Variants in CTR9 observed in about 807,000 individuals in gnomAD.
CTR9 encodes CTR9 component of Paf1/RNA polymerase II complex, also known as RNA polymerase-associated protein CTR9 homolog.
In CTR9, 41 loss-of-function variants were observed where a neutral mutation model predicts 152.1. That is an observed-to-expected ratio of 0.27 (90% CI 0.21 to 0.35). CTR9 has a LOEUF of 0.35. Among genes scored for constraint, CTR9 ranks in the 10% least tolerant of loss-of-function variants. The pLI, the probability that CTR9 is intolerant of heterozygous loss-of-function variation, is 1.00. For synonymous variants in CTR9, 476 were observed against 496.2 expected (o/e 0.96, Z 0.54); for missense variants, 917 against 1,424.4 (o/e 0.64, Z 5.73).
At chr11:10,758,334 G>T (rs981105806) in intron 5 of CTR9, among the ~76,000 whole-genome samples, 1 of 152,154 alleles carries the variant, frequency 6.6e-6, no homozygotes, top group African/African-American at 2.4e-5. Flanking sequence ...CAGGGAGAAG[G>T]CATCTGCAGA....
Position 10,773,200 on chromosome 11 carries a change from C to G in CTR9, c.2654C>G (p.Thr885Ser). 1 of 1,612,646 alleles carries G rather than the reference C, an allele frequency of 6.2e-7. No individual in the cohort carries two copies. The highest frequency in any genetic ancestry group is 8.5e-7 in the Non-Finnish European group (1 of 1,179,686). Reference sequence around the variant, plus strand: ...CAGCGGGCCCAGTATGTGGAGAAGACCAAAAATATTCTTATGTTTACTGGT... The same window carrying G: ...CAGCGGGCCCAGTATGTGGAGAAGAGCAAAAATATTCTTATGTTTACTGGT... The part of the protein sequence containing the change: ...LEQRAQYVEK[T>S]KNILMFTGET... The change falls in exon 21 of 25, where the codon ACC (threonine) becomes AGC (serine). Residue 885 changes from threonine (T) to serine (S), a missense_variant. Physicochemically the swap from Thr to Ser is moderately conservative, Grantham distance 58. Transcript: ENST00000361367.
At chr11:10,765,197 G>C (rs1863040986) in intron 12 of CTR9, among the ~76,000 whole-genome samples, 1 of 152,056 alleles carries the variant, frequency 6.6e-6, no homozygotes, top group Non-Finnish European at 1.5e-5. Flanking sequence ...AAATAATTTA[G>C]GCCTGGCATG....
intron 1 of CTR9, 43 bp downstream of exon 1, chr11:10,751,500 A>G (rs1417643570): frequency 6.3e-7 from 1 of 1,590,898 alleles, no homozygotes; most frequent in Non-Finnish European, 8.6e-7. Flanking sequence ...ATGAACTTGT[A>G]CGATCGCCCC....
rs147016884 is a variant in CTR9, at chr11:10,778,985, G to C, written c.3402G>C (p.Ser1134=). Residue 1134 remains serine (S), a synonymous_variant, in exon 25 of 25, where the codon TCG becomes TCC. Transcript: ENST00000361367. ...ASPSAESDHE[S]ERGSDNEGSG... The stretch of plus-strand genomic sequence containing the variant: ...CAAGTGCCGAATCAGATCACGAATC[G>C]GAGAGAGGATCTGATAATGAGGGTT... 1.2e-6 allele frequency: 2 copies of C among 1,613,998 alleles called. No homozygotes were observed. Among genetic ancestry groups the C allele is most frequent in the East Asian group, 4.5e-5 (2 of 44,894 alleles).
In CTR9 at chr11:10,768,013, A is replaced by G. The variant is rs775125955; in HGVS notation, c.1872+22A>G. 6.2e-6 allele frequency: 10 copies of G among 1,613,378 alleles called. No individual in the cohort carries two copies. The South Asian group carries it at 1.1e-4, about 18-fold the overall frequency. On this transcript the variant is annotated intron_variant, in intron 14 of 24. Coordinates refer to ENST00000361367, the MANE Select transcript of CTR9 (RefSeq NM_014633.5). ...AAAGGTAATCTCTTTTTGTCCTTTTAAACAAAACTGATACTCTACATTCTC... is the reference window on the plus strand; with the variant it reads ...AAAGGTAATCTCTTTTTGTCCTTTTGAACAAAACTGATACTCTACATTCTC...
chr11:10,756,084 G>C (rs541173913), intron 4 of CTR9, among the ~76,000 whole-genome samples: 2 of 152,296 alleles, frequency 1.3e-5, no homozygotes, highest in African/African-American at 4.8e-5. Context: ...GAGGCAGGAG[G>C]ATCACTTGAG....
In CTR9 at chr11:10,770,530, T is replaced by C; in HGVS notation, c.2270T>C (p.Val757Ala). The C allele has an allele frequency of 6.2e-7, 1 of 1,614,060 alleles. No homozygotes were observed. The highest frequency in any genetic ancestry group is 8.5e-7 in the Non-Finnish European group (1 of 1,179,972). ...APSDTVLMFN[V>A]ALVLQRLATS... ...AGTGATACAGTTCTTATGTTTAATG[T>C]GGCCTTGGTCCTGCAAAGATTAGCT... Residue 757 changes from valine to alanine, a missense_variant, in exon 18 of 25, where the codon GTG (valine) becomes GCG (alanine). This residue lies in a region of CTR9 where 106 missense variants were observed against 157.8 expected (regional missense o/e 0.67). Coordinates refer to ENST00000361367, the MANE Select transcript of CTR9 (RefSeq NM_014633.5).
In CTR9 at chr11:10,772,614, C is replaced by G; in HGVS notation, c.2539C>G (p.Gln847Glu). 1.9e-6 allele frequency: 3 copies of G among 1,609,564 alleles called. No individual in the cohort carries two copies. The highest frequency in any genetic ancestry group is 2.5e-6 in the Non-Finnish European group (3 of 1,178,186). Residue 847 changes from glutamine to glutamate, a missense_variant, in exon 20 of 25, where the codon CAA (glutamine) becomes GAA (glutamate). This residue lies in a region of CTR9 where 384 missense variants were observed against 398.4 expected (regional missense o/e 0.96). Coordinates refer to ENST00000361367, the MANE Select transcript of CTR9 (RefSeq NM_014633.5). ...EERELRAKQE[Q>E]EKELLRQKLL... ...GCGGGAGCTGCGGGCCAAGCAAGAG[C>G]AAGAAAAGGAGCTGTTAAGGCAGAA...
chr11:10,760,211 C>A lies in CTR9; in HGVS notation c.631C>A (p.Leu211Ile), dbSNP rs749033668. The A allele has an allele frequency of 1.2e-6, 2 of 1,614,056 alleles. No homozygotes were observed. Among genetic ancestry groups the A allele is most frequent in the Admixed American group, 3.3e-5 (2 of 59,992 alleles). Residue 211 changes from leucine to isoleucine, a missense_variant, in exon 6 of 25, where the codon CTT (leucine) becomes ATT (isoleucine). Leu to Ile is a conservative substitution (Grantham distance 5, BLOSUM62 2). This residue lies in a region of CTR9 where 110 missense variants were observed against 149.5 expected (regional missense o/e 0.74). Transcript: ENST00000361367. ...RLGMGHCFVK[L>I]NKLEKARLAF... is the part of the protein sequence containing the mutation. ...AGGAATGGGTCATTGCTTTGTGAAACTTAACAAACTGGAAAAAGCTCGTCT... is the reference window on the plus strand; with the variant it reads ...AGGAATGGGTCATTGCTTTGTGAAAATTAACAAACTGGAAAAAGCTCGTCT...
chr11:10,751,675 A>G (rs1029300715), intron 1 of CTR9, among the ~76,000 whole-genome samples: 11 of 152,074 alleles, frequency 7.2e-5, no homozygotes, highest in African/African-American at 1.2e-4. Flanking sequence ...TCGGAGAAGG[A>G]GTTCTTGAAA....
At position 10,751,383 on chromosome 11, in the gene CTR9, C is replaced by T. The variant is rs776532568; in HGVS notation, c.-30C>T. 4 of 1,589,020 alleles carry T rather than the reference C, an allele frequency of 2.5e-6. No individual in the cohort carries two copies. In the South Asian group the frequency reaches 3.4e-5, roughly 14 times the overall value. ...GACTACCGGCTGCGGAGCGGCGGGG[C>T]GAGACACTTGCTCGCCTTTTGACCC... is the stretch of plus-strand genomic sequence containing the variant. On this transcript the variant is annotated 5_prime_UTR_variant, in exon 1 of 25. Transcript: ENST00000361367.
chr11:10,776,992 A>C, intron 24 of CTR9, among the ~76,000 whole-genome samples: 1 of 151,592 alleles, frequency 6.6e-6, no homozygotes, highest in Non-Finnish European at 1.5e-5. Context: ...AAAAAAAAAA[A>C]AAAAGCTCAC....
chr11:10,765,516 C>T (rs1264813153), intron 12 of CTR9, among the ~76,000 whole-genome samples: 1 of 152,132 alleles, frequency 6.6e-6, no homozygotes, highest in Non-Finnish European at 1.5e-5. Flanking sequence ...GGCTGGAGTG[C>T]AGTGGCACAA....
In CTR9 at chr11:10,751,299, G is replaced by C; in HGVS notation, c.-114G>C. 1 of 1,111,124 alleles carries C rather than the reference G, an allele frequency of 9.0e-7. No individual in the cohort carries two copies. The highest frequency in any genetic ancestry group is 1.3e-5 in the South Asian group (1 of 78,258). 68.8% of individuals were successfully genotyped at this position (1,111,124 alleles called of 1,614,324 possible). On this transcript the variant is annotated 5_prime_UTR_variant, in exon 1 of 25. Transcript: ENST00000361367. ...AGCCAGAGCTCCAGCGGCGCCGCGG[G>C]GCGGCAGTCAAGACCAGAGCCGGAG...
chr11:10,773,996 G>A lies in CTR9; in HGVS notation c.2728-16G>A. On this transcript the variant is annotated splice_polypyrimidine_tract_variant and intron_variant, in intron 21 of 24. Coordinates refer to ENST00000361367, the MANE Select transcript of CTR9 (RefSeq NM_014633.5). ...CAACCAGGAAATAACTGACTATAGTGTTGTTTGGATTTTAGCGTTCTAAGA... is the reference window on the plus strand; with the variant it reads ...CAACCAGGAAATAACTGACTATAGTATTGTTTGGATTTTAGCGTTCTAAGA... The A allele has an allele frequency of 1.3e-6, 2 of 1,599,774 alleles. No homozygotes were observed. The highest frequency in any genetic ancestry group is 1.7e-6 in the Non-Finnish European group (2 of 1,170,726).
intron 22 of CTR9, among the ~76,000 whole-genome samples, chr11:10,774,700 T>G (rs1863202771): frequency 6.6e-6 from 1 of 152,214 alleles, no homozygotes. Context: ...CCTCTCTTGT[T>G]GTGCTATCCT....
At chr11:10,763,364 TA>T in intron 7 of CTR9, 66 bp from the exon 8 acceptor site, 1 of 1,058,186 alleles carries the variant, frequency 9.5e-7, no homozygotes, top group Non-Finnish European at 1.5e-6. Context: ...AGTGTTAGTC[TA>T]AGATAAAACA....
intron 19 of CTR9, 131 bp from the exon 20 acceptor site, chr11:10,772,388 TA>T (rs1564971484): frequency 1.4e-5 from 11 of 779,460 alleles, no homozygotes; most frequent in South Asian, 6.1e-5. Context: ...AACATTTTTT[TA>T]AAAAAAGACT....
chr11:10,775,147 T>C, intron 22 of CTR9, 60 bp from the exon 23 acceptor site: 1 of 1,334,990 alleles, frequency 7.5e-7, no homozygotes, highest in Non-Finnish European at 1.1e-6. Flanking sequence ...AATGGCAAAG[T>C]AGTCTGGAAC....
Sources: gnomAD v4.1 joint callset for allele counts (sites outside exome capture counted in the v4.1 genomes callset) on GRCh38, gnomAD v4.1.1 for gene constraint, gnomAD v4.1.1 regional missense constraint, MANE v1.5 for transcripts, NCBI Gene and HGNC (gene_info 2026-07-23, HGNC 2026-07-21) for gene names.